Variants in CADPS2 observed in about 807,000 individuals in gnomAD.
CADPS2 encodes the protein calcium dependent secretion activator 2.
CADPS2 carries 93 observed loss-of-function variants against 172.5 expected under a neutral mutation model. That is an observed-to-expected ratio of 0.54 (90% CI 0.46 to 0.64). The LOEUF (loss-of-function observed/expected upper bound fraction) is 0.64. Among genes scored for constraint, CADPS2 ranks in the 30% least tolerant of loss-of-function variants. The pLI, the probability that CADPS2 is intolerant of heterozygous loss-of-function variation, is 0.00. For missense variants in CADPS2, 1,420 were observed against 1,565.9 expected (o/e 0.91, Z 1.57); for synonymous variants, 546 against 555.2 (o/e 0.98, Z 0.23).
chr7:122,473,051 T>C (rs1384442916), intron 13 of CADPS2, among the ~76,000 whole-genome samples: 1 of 152,154 alleles, frequency 6.6e-6, no homozygotes, highest in Non-Finnish European at 1.5e-5. Flanking sequence ...ATGATGCTTT[T>C]AAATCAAGTT....
At chr7:122,850,211 C>T (rs1813164250) in intron 1 of CADPS2, 4 of 1,098,980 alleles carry the variant, frequency 3.6e-6, no homozygotes, top group Non-Finnish European at 4.8e-6. Flanking sequence ...GGCTATAACT[C>T]GCCAAGTGAC....
chr7:122,783,003 T>A (rs1793128083), intron 1 of CADPS2, among the ~76,000 whole-genome samples: 1 of 151,942 alleles, frequency 6.6e-6, no homozygotes, highest in South Asian at 2.1e-4. Flanking sequence ...GACAAAACAA[T>A]AAACAGCATA....
intron 9 of CADPS2, among the ~76,000 whole-genome samples, chr7:122,498,523 G>A (rs1183568469): frequency 6.6e-6 from 1 of 151,720 alleles, no homozygotes; most frequent in Non-Finnish European, 1.5e-5. Flanking sequence ...ATTTCTTTAT[G>A]TATATTTTTT....
chr7:122,607,077 C>G (rs994751369), intron 6 of CADPS2, among the ~76,000 whole-genome samples: 1 of 152,080 alleles, frequency 6.6e-6, no homozygotes, highest in East Asian at 1.9e-4. Context: ...GCCTTCTTCC[C>G]CTTCCTACCA....
At chr7:122,791,516 GC>G (rs1795291413) in intron 1 of CADPS2, among the ~76,000 whole-genome samples, 1 of 152,122 alleles carries the variant, frequency 6.6e-6, no homozygotes, top group African/African-American at 2.4e-5. Context: ...CATAATAGCT[GC>G]CCATTAACAG....
intron 27 of CADPS2, among the ~76,000 whole-genome samples, chr7:122,355,435 G>A (rs1234228198): frequency 1.3e-5 from 2 of 152,042 alleles, no homozygotes; most frequent in East Asian, 3.9e-4. Flanking sequence ...CAAAAAATTA[G>A]CCAGGTGTGG....
intron 8 of CADPS2, among the ~76,000 whole-genome samples, chr7:122,532,209 A>G (rs760533375): frequency 9.2e-5 from 14 of 152,080 alleles, no homozygotes; most frequent in Non-Finnish European, 2.1e-4. Context: ...CTTTTTGAGG[A>G]GGAGATAAAA....
intron 3 of CADPS2, among the ~76,000 whole-genome samples, chr7:122,636,807 A>T (rs1045466976): frequency 1.3e-5 from 2 of 151,916 alleles, no homozygotes; most frequent in Non-Finnish European, 2.9e-5. Flanking sequence ...AACTTGGTGA[A>T]TCTGATGGCT....
chr7:122,403,350 G>A lies in CADPS2; in HGVS notation c.2746+4190C>T, dbSNP rs113431210. On this transcript the variant is annotated intron_variant, in intron 20 of 29. Coordinates refer to ENST00000449022, the MANE Select transcript of CADPS2 (RefSeq NM_017954.11). Reference sequence around the variant, plus strand: ...CTTTTCTGTTTACCTCTCTACATGGGGGAGCTGTTTTTCTCAGAAATAATT... The same window carrying A: ...CTTTTCTGTTTACCTCTCTACATGGAGGAGCTGTTTTTCTCAGAAATAATT... 2.1e-3 allele frequency among the ~76,000 whole-genome samples: 315 copies of A among 152,204 alleles called. 3 individuals carry two copies. Among genetic ancestry groups the A allele is most frequent in the South Asian group, 2.3e-3 (11 of 4,812 alleles).
intron 29 of CADPS2, among the ~76,000 whole-genome samples, chr7:122,323,451 CACT>C (rs2033033920): frequency 6.6e-6 from 1 of 151,916 alleles, no homozygotes; most frequent in Non-Finnish European, 1.5e-5. Flanking sequence ...CTAAAATATT[CACT>C]AGTGAGAATA....
intron 1 of CADPS2, among the ~76,000 whole-genome samples, chr7:122,788,194 CCTTT>C (rs1436456797): frequency 6.6e-6 from 1 of 152,254 alleles, no homozygotes; most frequent in South Asian, 2.1e-4. Context: ...CTTAACAACC[CCTTT>C]CTTTGTCTAC....
chr7:122,676,214 G>A (rs1291165106), intron 2 of CADPS2, among the ~76,000 whole-genome samples: 2 of 152,066 alleles, frequency 1.3e-5, no homozygotes, highest in East Asian at 1.9e-4. Context: ...GTCTGTTTAC[G>A]AGAAACACCT....
chr7:122,653,881 C>A (rs1215052811), intron 3 of CADPS2, among the ~76,000 whole-genome samples: 2 of 152,144 alleles, frequency 1.3e-5, no homozygotes, highest in Non-Finnish European at 2.9e-5. Flanking sequence ...GCCACTTCCT[C>A]ATTTCTTTCC....
chr7:122,782,187 A>G (rs1441785748), intron 1 of CADPS2, among the ~76,000 whole-genome samples: 1 of 152,206 alleles, frequency 6.6e-6, no homozygotes, highest in Non-Finnish European at 1.5e-5. Flanking sequence ...GCAAATTTCC[A>G]TAATTCTACT....
intron 9 of CADPS2, among the ~76,000 whole-genome samples, chr7:122,512,963 G>A (rs970261779): frequency 1.3e-5 from 2 of 152,106 alleles, no homozygotes; most frequent in African/African-American, 2.4e-5. Flanking sequence ...AAAATTGAAT[G>A]CAGAAGCTGA....
At chr7:122,414,143 T>C in intron 18 of CADPS2, 67 bp from the exon 19 acceptor site, 1 of 1,243,092 alleles carries the variant, frequency 8.0e-7, no homozygotes, top group East Asian at 2.7e-5. Context: ...ACAAAACATC[T>C]TTAAAAAAGG....
chr7:122,410,664 A>G lies in CADPS2; in HGVS notation c.2590-2968T>C, dbSNP rs530550231. Among the ~76,000 whole-genome samples, 4 of 152,352 alleles carry G rather than the reference A, an allele frequency of 2.6e-5. No individual in the cohort carries two copies. In the East Asian group the frequency reaches 7.7e-4, roughly 29 times the overall value. ...CAGTGTTGCTGTGAAAATCAAATAA[A>G]TATAAAAGTTTATTGCTGTGCAAAT... is the stretch of plus-strand genomic sequence containing the variant. On this transcript the variant is annotated intron_variant, in intron 19 of 29. Coordinates refer to ENST00000449022, the MANE Select transcript of CADPS2 (RefSeq NM_017954.11).
chr7:122,872,672 C>A (rs1242261166), intron 1 of CADPS2, among the ~76,000 whole-genome samples: 1 of 151,910 alleles, frequency 6.6e-6, no homozygotes, highest in Admixed American at 6.6e-5. Context: ...TCTAGAGAAC[C>A]AAATTAAGGC....
chr7:122,765,967 G>C (rs1341411932), intron 1 of CADPS2, among the ~76,000 whole-genome samples: 1 of 152,064 alleles, frequency 6.6e-6, no homozygotes. Context: ...CAGAATACCT[G>C]ACACTGGGTA....
Sources: allele counts gnomAD v4.1 joint callset (sites outside exome capture counted in the v4.1 genomes callset), GRCh38; gene constraint gnomAD v4.1.1; transcripts MANE v1.5; gene names NCBI Gene and HGNC (gene_info 2026-07-23, HGNC 2026-07-21).